NRG3: variants seen among roughly 807,000 people sequenced by gnomAD.
NRG3 encodes pro-neuregulin-3, membrane-bound isoform.
Under a neutral mutation model 66.9 loss-of-function variants are expected in NRG3, and 31 were observed. That is an observed-to-expected ratio of 0.46 (90% CI 0.35 to 0.63). The LOEUF is 0.63. NRG3 is among the 20% of genes least tolerant of loss of function. NRG3 has a pLI of 0.00. For synonymous variants in NRG3, 393 were observed against 359.4 expected, an observed-to-expected ratio of 1.09 and a Z score of -1.06; for missense variants, 910 against 878.9, an observed-to-expected ratio of 1.04 and a Z score of -0.45.
chr10:82,747,826 T>C (rs556164712), intron 3 of NRG3, among the ~76,000 whole-genome samples: 2 of 151,984 alleles, frequency 1.3e-5, no homozygotes, highest in East Asian at 1.9e-4. Flanking sequence ...GTCAAATCTA[T>C]TAGGTATTTT....
chr10:82,070,641 A>G (rs1401908442), intron 1 of NRG3, among the ~76,000 whole-genome samples: 1 of 152,196 alleles, frequency 6.6e-6, no homozygotes, highest in African/African-American at 2.4e-5. Flanking sequence ...ATAAAAGCTC[A>G]TAGTTTAGTA....
chr10:82,289,486 A>C (rs2079601098), intron 1 of NRG3, among the ~76,000 whole-genome samples: 1 of 149,304 alleles, frequency 6.7e-6, no homozygotes, highest in Non-Finnish European at 1.5e-5. Context: ...TAAAGAAAGA[A>C]ATAATAGTAG....
chr10:81,949,610 G>A (rs1849149980), intron 1 of NRG3, among the ~76,000 whole-genome samples: 1 of 152,018 alleles, frequency 6.6e-6, no homozygotes, highest in Non-Finnish European at 1.5e-5. Flanking sequence ...ATTATTGTAT[G>A]ACATTTTTTT....
chr10:82,574,952 C>T (rs1379977066), intron 2 of NRG3, among the ~76,000 whole-genome samples: 2 of 151,498 alleles, frequency 1.3e-5, no homozygotes, highest in Non-Finnish European at 3.0e-5. Context: ...AGATGTTGGT[C>T]AATGGACACA....
chr10:81,953,435 T>G (rs1022325155), intron 1 of NRG3, among the ~76,000 whole-genome samples: 4 of 152,272 alleles, frequency 2.6e-5, no homozygotes, highest in African/African-American at 7.2e-5. Context: ...CTGTAATTAC[T>G]GTGTATTTGA....
intron 1 of NRG3, among the ~76,000 whole-genome samples, chr10:82,343,533 GA>G (rs984463144): frequency 1.3e-5 from 2 of 151,528 alleles, no homozygotes; most frequent in South Asian, 2.1e-4. Context: ...CACAGGATTA[GA>G]AAAAAAATCC....
chr10:82,278,700 T>C (rs2078979233), intron 1 of NRG3, among the ~76,000 whole-genome samples: 1 of 152,124 alleles, frequency 6.6e-6, no homozygotes, highest in East Asian at 1.9e-4. Flanking sequence ...TTGTTCTTTG[T>C]TCTGGTCCTT....
chr10:82,227,397 A>G (rs1018315066), intron 1 of NRG3, among the ~76,000 whole-genome samples: 3 of 152,026 alleles, frequency 2.0e-5, no homozygotes, highest in Non-Finnish European at 2.9e-5. Context: ...CATTATTATT[A>G]TTATTATTAT....
intron 3 of NRG3, among the ~76,000 whole-genome samples, chr10:82,858,313 C>G (rs1198329139): frequency 6.6e-6 from 1 of 152,170 alleles, no homozygotes; most frequent in Non-Finnish European, 1.5e-5. Flanking sequence ...AATCAGAACT[C>G]TTAAAGTCTA....
At chr10:82,688,050 C>T (rs913153650) in intron 2 of NRG3, among the ~76,000 whole-genome samples, 4 of 152,188 alleles carry the variant, frequency 2.6e-5, no homozygotes, top group Non-Finnish European at 5.9e-5. Flanking sequence ...CTCATTTCCA[C>T]ATTACCACCC....
At position 82,205,055 on chromosome 10, in the gene NRG3, A is replaced by G. The variant is rs980873577; in HGVS notation, c.824-153684A>G. 1.3e-5 allele frequency among the ~76,000 whole-genome samples: 2 copies of G among 152,210 alleles called. 1 individual carries two copies. The highest frequency in any genetic ancestry group is 2.9e-5 in the Non-Finnish European group (2 of 68,038). On this transcript the variant is annotated intron_variant, in intron 1 of 8. Coordinates refer to ENST00000372141, the MANE Select transcript of NRG3 (RefSeq NM_001010848.4). ...GCATTTGGTATTGTTTGTGTCGTAC[A>G]TGGAGATATGCAATAAGCAAATGGA...
chr10:82,358,719 C>T lies in NRG3; in HGVS notation c.824-20C>T. ...AGAATGTACTGCTGACAGCGTTTCC[C>T]CCTGTGCTTTCCCTGACAGATACGA... is the stretch of plus-strand genomic sequence containing the variant. On this transcript the variant is annotated intron_variant, in intron 1 of 8. Coordinates refer to ENST00000372141, the MANE Select transcript of NRG3 (RefSeq NM_001010848.4). The T allele has an allele frequency of 6.2e-7, 1 of 1,613,966 alleles. No individual in the cohort carries two copies. The highest frequency in any genetic ancestry group is 8.5e-7 in the Non-Finnish European group (1 of 1,179,946).
At chr10:82,821,872 C>G (rs940100799) in intron 3 of NRG3, among the ~76,000 whole-genome samples, 4 of 152,148 alleles carry the variant, frequency 2.6e-5, no homozygotes, top group African/African-American at 9.7e-5. Context: ...CTTCCACTTC[C>G]CTTTTTGATC....
Position 82,678,394 on chromosome 10 carries a change from A to G in NRG3, c.954-60183A>G, listed in dbSNP as rs564634404. Among the ~76,000 whole-genome samples the G allele has an allele frequency of 5.9e-5, 9 of 152,302 alleles. No individual in the cohort carries two copies. The South Asian group carries it at 1.0e-3, about 18-fold the overall frequency. On this transcript the variant is annotated intron_variant, in intron 2 of 8. Transcript: ENST00000372141. ...CTGGCCGGCAGGGGTGGGGGTCACA[A>G]GATGCTCAGTAGGGGAGCTTTTTGA...
At chr10:82,885,972 A>G (rs1303963851) in intron 4 of NRG3, among the ~76,000 whole-genome samples, 1 of 152,076 alleles carries the variant, frequency 6.6e-6, no homozygotes, top group East Asian at 1.9e-4. Flanking sequence ...CCCGGGCCCA[A>G]GGGATTATCC....
At chr10:82,914,525 T>A (rs1845646791) in intron 4 of NRG3, among the ~76,000 whole-genome samples, 1 of 152,182 alleles carries the variant, frequency 6.6e-6, no homozygotes, top group Non-Finnish European at 1.5e-5. Flanking sequence ...CTGATGCCCT[T>A]GTTTTTGTCT....
chr10:81,913,509 T>C (rs1461458942), intron 1 of NRG3, among the ~76,000 whole-genome samples: 4 of 151,906 alleles, frequency 2.6e-5, no homozygotes, highest in Non-Finnish European at 5.9e-5. Flanking sequence ...CTGCAACCTC[T>C]GCCTCCCGGG....
intron 1 of NRG3, among the ~76,000 whole-genome samples, chr10:82,016,802 A>G (rs2061805643): frequency 6.6e-6 from 1 of 152,190 alleles, no homozygotes; most frequent in Admixed American, 6.6e-5. Flanking sequence ...GGAATTTAAT[A>G]GCAAGTGAAT....
At chr10:82,608,474 G>A (rs533030927) in intron 2 of NRG3, among the ~76,000 whole-genome samples, 75 of 152,036 alleles carry the variant, frequency 4.9e-4, no homozygotes, top group Non-Finnish European at 1.0e-3. Context: ...TAATACTTCT[G>A]GAAAATTCTT....
Sources: gnomAD v4.1 joint callset for allele counts (sites outside exome capture counted in the v4.1 genomes callset) on GRCh38, gnomAD v4.1.1 for gene constraint, MANE v1.5 for transcripts, NCBI Gene and HGNC (gene_info 2026-07-23, HGNC 2026-07-21) for gene names.